CTNNBL1: variants seen among roughly 807,000 people sequenced by gnomAD.
CTNNBL1 encodes the protein beta-catenin-like protein 1.
Under a neutral mutation model 72.7 loss-of-function variants are expected in CTNNBL1, and 31 were observed. The observed-to-expected ratio is 0.43, with a 90% confidence interval of 0.32 to 0.58. CTNNBL1 has a LOEUF of 0.58. CTNNBL1 is among the 20% of genes least tolerant of loss of function. CTNNBL1 has a pLI of 0.08. For synonymous variants in CTNNBL1, 240 were observed against 267.3 expected, an observed-to-expected ratio of 0.90 and a Z score of 1.00; for missense variants, 534 against 725.1, an observed-to-expected ratio of 0.74 and a Z score of 3.03.
chr20:37,812,692 G>A (rs1371508378), intron 11 of CTNNBL1, among the ~76,000 whole-genome samples: 2 of 152,208 alleles, frequency 1.3e-5, no homozygotes, highest in African/African-American at 2.4e-5. Context: ...GCTTGGTGCT[G>A]TAGCTGGAAG....
intron 11 of CTNNBL1, among the ~76,000 whole-genome samples, chr20:37,836,388 C>T (rs1260703303): frequency 6.6e-6 from 1 of 152,182 alleles, no homozygotes; most frequent in Non-Finnish European, 1.5e-5. Context: ...TCACTGGCCT[C>T]CCCTCTCCCA....
chr20:37,728,996 C>T (rs1325130073), intron 1 of CTNNBL1, among the ~76,000 whole-genome samples: 1 of 152,222 alleles, frequency 6.6e-6, no homozygotes, highest in African/African-American at 2.4e-5. Context: ...ATACACGACC[C>T]TGTTGGAAGC....
rs532862612 is a variant in CTNNBL1 at position 37,854,213 on chromosome 20, A to G, written c.1393-5686A>G. Among the ~76,000 whole-genome samples, 6 of 152,300 alleles carry G rather than the reference A, an allele frequency of 3.9e-5. No individual in the cohort carries two copies. In the East Asian group the frequency reaches 1.2e-3, roughly 29 times the overall value. The stretch of plus-strand genomic sequence containing the variant: ...GTCCTTTCTAAATGACAATATAGAG[A>G]AACTAGAAGGTGCAGTGTGTACCTG... On this transcript the variant is annotated intron_variant, in intron 13 of 15. Transcript: ENST00000361383.
At position 37,860,149 on chromosome 20, in the gene CTNNBL1, T is replaced by G. The variant is rs561857683; in HGVS notation, c.1530+113T>G. On this transcript the variant is annotated intron_variant, in intron 14 of 15. Transcript: ENST00000361383. ...GGGGGTCACGCTCTCCTTGAATTCC[T>G]TTACTCTACATCAGCCTTTTGTTTC... The G allele has an allele frequency of 7.1e-5, 106 of 1,489,818 alleles. 4 individuals carry two copies. In the South Asian group the frequency reaches 1.2e-3, roughly 17 times the overall value. The allele number at this position is 1,489,818 out of a possible 1,614,324, so 92.3% of individuals were successfully genotyped here.
chr20:37,725,496 G>A (rs1376381402), intron 1 of CTNNBL1, among the ~76,000 whole-genome samples: 2 of 150,954 alleles, frequency 1.3e-5, no homozygotes, highest in South Asian at 2.1e-4. Context: ...GGGTTTCATC[G>A]GGTTAGTCAA....
At chr20:37,832,639 C>T (rs570765793) in intron 11 of CTNNBL1, among the ~76,000 whole-genome samples, 1 of 152,136 alleles carries the variant, frequency 6.6e-6, no homozygotes, top group Non-Finnish European at 1.5e-5. Flanking sequence ...GAGCAGATCC[C>T]AGGAGTTAGT....
chr20:37,863,318 G>C (rs1254521242), intron 15 of CTNNBL1, among the ~76,000 whole-genome samples: 1 of 152,160 alleles, frequency 6.6e-6, no homozygotes, highest in Non-Finnish European at 1.5e-5. Context: ...TCAGTGCCAG[G>C]CTCTGTGTCC....
chr20:37,787,146 A>C (rs1009583894), intron 10 of CTNNBL1, among the ~76,000 whole-genome samples: 1 of 148,550 alleles, frequency 6.7e-6, no homozygotes, highest in Admixed American at 6.7e-5. Flanking sequence ...TTTAAGAGAC[A>C]GGATTCCACT....
chr20:37,813,009 C>G (rs1184762651), intron 11 of CTNNBL1, among the ~76,000 whole-genome samples: 1 of 151,194 alleles, frequency 6.6e-6, no homozygotes, highest in African/African-American at 2.4e-5. Flanking sequence ...GAAAAAGCAG[C>G]ATGTATTAAA....
At chr20:37,752,414 A>T (rs1229155473) in intron 4 of CTNNBL1, among the ~76,000 whole-genome samples, 9 of 152,218 alleles carry the variant, frequency 5.9e-5, no homozygotes, top group Admixed American at 5.9e-4. Context: ...CCTAGTCTAG[A>T]AATTAAAGAA....
intron 1 of CTNNBL1, among the ~76,000 whole-genome samples, chr20:37,706,943 C>A (rs1025464153): frequency 1.3e-5 from 2 of 152,184 alleles, no homozygotes; most frequent in African/African-American, 4.8e-5. Context: ...TCTCCTTGTA[C>A]ATCTCCATCA....
chr20:37,813,521 T>C (rs1354252004), intron 11 of CTNNBL1, among the ~76,000 whole-genome samples: 1 of 152,326 alleles, frequency 6.6e-6, no homozygotes, highest in East Asian at 1.9e-4. Context: ...GAGGGCTTGG[T>C]TGGGGAGGAT....
Position 37,802,883 on chromosome 20 carries a change from C to A in CTNNBL1, c.1048C>A (p.Arg350=). The A allele has an allele frequency of 3.7e-6, 6 of 1,612,562 alleles. No individual in the cohort carries two copies. The highest frequency in any genetic ancestry group is 5.1e-6 in the Non-Finnish European group (6 of 1,179,100). ...NLMLREKKIS[R]SSALKVLDHA... is the part of the protein sequence containing the mutation. ...TGTTCACAGGGAAAAGAAGATCTCCCGGAGCAGTGCCCTGAAAGTGCTGGA... is the reference window on the plus strand; with the variant it reads ...TGTTCACAGGGAAAAGAAGATCTCCAGGAGCAGTGCCCTGAAAGTGCTGGA... Residue 350 remains arginine (R), a synonymous_variant, in exon 11 of 16, where the codon CGG becomes AGG. Coordinates refer to ENST00000361383, the MANE Select transcript of CTNNBL1 (RefSeq NM_030877.5).
chr20:37,869,124 G>A (rs186061475), intron 15 of CTNNBL1, among the ~76,000 whole-genome samples: 1 of 152,334 alleles, frequency 6.6e-6, no homozygotes, highest in Admixed American at 6.5e-5. Flanking sequence ...GGTGATGGAT[G>A]GGCCTAACAG....
At chr20:37,846,319 G>A (rs2072346949) in intron 13 of CTNNBL1, among the ~76,000 whole-genome samples, 1 of 152,084 alleles carries the variant, frequency 6.6e-6, no homozygotes. Flanking sequence ...GGAGAGAAGA[G>A]GGTACCTTCC....
At chr20:37,750,307 G>A (rs1455377283) in intron 4 of CTNNBL1, 3 of 152,240 alleles carry the variant, frequency 2.0e-5, no homozygotes, top group East Asian at 3.8e-4. Context: ...TCTGTGAAGA[G>A]CATATCTTGG....
intron 10 of CTNNBL1, among the ~76,000 whole-genome samples, chr20:37,794,038 C>G (rs988905210): frequency 5.3e-5 from 8 of 152,144 alleles, no homozygotes; most frequent in African/African-American, 1.9e-4. Context: ...CTTGGCCTCC[C>G]AAACTGCTGG....
intron 11 of CTNNBL1, among the ~76,000 whole-genome samples, chr20:37,810,048 A>G (rs1445787623): frequency 1.3e-5 from 2 of 152,180 alleles, no homozygotes; most frequent in Non-Finnish European, 2.9e-5. Context: ...TTTAAGATCA[A>G]AATTAATACT....
intron 10 of CTNNBL1, among the ~76,000 whole-genome samples, chr20:37,797,767 T>C (rs187608084): frequency 6.6e-6 from 1 of 152,310 alleles, no homozygotes; most frequent in South Asian, 2.1e-4. Context: ...ATCTTTCTTA[T>C]ACACAAAAGT....
Sources: allele counts gnomAD v4.1 joint callset (sites outside exome capture counted in the v4.1 genomes callset), GRCh38; gene constraint gnomAD v4.1.1; transcripts MANE v1.5; gene names NCBI Gene and HGNC (gene_info 2026-07-23, HGNC 2026-07-21).